Variants in SPIDR observed in about 807,000 individuals in gnomAD.
SPIDR encodes scaffold protein involved in DNA repair, also known as DNA repair-scaffolding protein.
SPIDR carries 93 observed loss-of-function variants against 104.6 expected under a neutral mutation model. That is an observed-to-expected ratio of 0.89 (90% CI 0.75 to 1.06). The LOEUF (loss-of-function observed/expected upper bound fraction) is 1.06, where lower values mean the gene tolerates loss of function less well. Among genes scored for constraint, SPIDR ranks in the 50% least tolerant of loss-of-function variants. The pLI, the probability that SPIDR is intolerant of heterozygous loss-of-function variation, is 0.00. For missense variants in SPIDR, 1,154 were observed against 1,111.2 expected, an observed-to-expected ratio of 1.04 and a Z score of -0.55; for synonymous variants, 431 against 416.9, an observed-to-expected ratio of 1.03 and a Z score of -0.41.
At chr8:47,268,618 A>C (rs2034588528) in intron 1 of SPIDR, among the ~76,000 whole-genome samples, 1 of 152,082 alleles carries the variant, frequency 6.6e-6, no homozygotes, top group Non-Finnish European at 1.5e-5. Context: ...CACGTGGCTA[A>C]TATTTTTTGT....
chr8:47,347,192 A>G (rs1474690782), intron 5 of SPIDR, among the ~76,000 whole-genome samples: 1 of 152,018 alleles, frequency 6.6e-6, no homozygotes, highest in Non-Finnish European at 1.5e-5. Context: ...TTTTGCCTTC[A>G]TTTTGTTATT....
upstream of SPIDR, chr8:47,260,917 G>T: frequency 8.2e-7 from 1 of 1,218,598 alleles, no homozygotes. Context: ...GTGGGACGGC[G>T]GCGCGCTGAG....
intron 16 of SPIDR, among the ~76,000 whole-genome samples, chr8:47,721,131 C>A (rs1158150445): frequency 1.3e-5 from 2 of 152,170 alleles, no homozygotes; most frequent in African/African-American, 4.8e-5. Context: ...TCAGTTGTTT[C>A]TTTCACGAAT....
At chr8:47,544,636 C>T (rs74894574) in intron 8 of SPIDR, among the ~76,000 whole-genome samples, 3,315 of 152,248 alleles carry the variant, frequency 0.022, 94 homozygotes, top group East Asian at 0.082. Context: ...GCTTTTTGCA[C>T]CTTTGTCAAA....
At chr8:47,403,125 CAGAAAAGGCCTTTG>C (rs1329508697) in intron 6 of SPIDR, among the ~76,000 whole-genome samples, 1 of 152,152 alleles carries the variant, frequency 6.6e-6, no homozygotes, top group Non-Finnish European at 1.5e-5. Flanking sequence ...TCAATAGATG[CAGAAAAGGCCTTTG>C]ACAAAATTGC....
At position 47,729,479 on chromosome 8, in the gene SPIDR, G is replaced by A; in HGVS notation, c.2604+14G>A. 6.3e-7 allele frequency: 1 copy of A among 1,590,256 alleles called. No homozygotes were observed. On this transcript the variant is annotated intron_variant, in intron 19 of 19. Coordinates refer to ENST00000297423, the MANE Select transcript of SPIDR (RefSeq NM_001080394.4). Reference sequence around the variant, plus strand: ...GGTGAAGATGGGGTAAGTGCAGGGGGCCCAGCCCAGGGGGCCGCACACTCA... The same window carrying A: ...GGTGAAGATGGGGTAAGTGCAGGGGACCCAGCCCAGGGGGCCGCACACTCA...
chr8:47,534,096 T>G (rs1356251475), intron 8 of SPIDR, among the ~76,000 whole-genome samples: 1 of 152,180 alleles, frequency 6.6e-6, no homozygotes, highest in Non-Finnish European at 1.5e-5. Flanking sequence ...TGACTGGTAT[T>G]TCCCCTGCTG....
At chr8:47,699,513 A>G (rs903311123) in intron 11 of SPIDR, among the ~76,000 whole-genome samples, 2 of 152,154 alleles carry the variant, frequency 1.3e-5, no homozygotes, top group African/African-American at 4.8e-5. Context: ...AACTGAAATC[A>G]TAACTGTTTG....
intron 8 of SPIDR, among the ~76,000 whole-genome samples, chr8:47,521,292 C>T (rs1164744218): frequency 1.3e-5 from 2 of 152,156 alleles, no homozygotes; most frequent in Non-Finnish European, 2.9e-5. Flanking sequence ...CCTTTCCTTA[C>T]TGCTTTCTCC....
intron 5 of SPIDR, among the ~76,000 whole-genome samples, chr8:47,373,118 T>C (rs1369665151): frequency 2.6e-5 from 4 of 152,220 alleles, no homozygotes; most frequent in Non-Finnish European, 5.9e-5. Context: ...ATTCCTGGAA[T>C]GATAGTATAA....
Position 47,635,428 on chromosome 8 carries a change from C to G in SPIDR, c.1544+36232C>G, listed in dbSNP as rs571816140. Among the ~76,000 whole-genome samples the G allele has an allele frequency of 1.7e-4, 26 of 152,178 alleles. No homozygotes were observed. The East Asian group carries it at 3.9e-3, about 23-fold the overall frequency. ...AATGCTTGAGGGATACCCCATCTACCCTGATGTGATTAAGTGTTGTATGCC... is the reference window on the plus strand; with the variant it reads ...AATGCTTGAGGGATACCCCATCTACGCTGATGTGATTAAGTGTTGTATGCC... On this transcript the variant is annotated intron_variant, in intron 10 of 19. Transcript: ENST00000297423.
intron 8 of SPIDR, among the ~76,000 whole-genome samples, chr8:47,563,246 T>C (rs1241061484): frequency 6.6e-6 from 1 of 152,006 alleles, no homozygotes; most frequent in Non-Finnish European, 1.5e-5. Flanking sequence ...CAGGGCTCAC[T>C]GCAGCCTCGA....
At chr8:47,481,216 C>T (rs2076864581) in intron 8 of SPIDR, among the ~76,000 whole-genome samples, 2 of 152,128 alleles carry the variant, frequency 1.3e-5, no homozygotes, top group Admixed American at 6.5e-5. Context: ...GGTCTTTTCT[C>T]GTCATTACAT....
chr8:47,538,335 G>C (rs563008148), intron 8 of SPIDR, among the ~76,000 whole-genome samples: 8 of 152,288 alleles, frequency 5.3e-5, no homozygotes, highest in African/African-American at 1.9e-4. Flanking sequence ...CCTGAGGTCA[G>C]GAGTTCGAGA....
chr8:47,613,826 A>G (rs1261947872), intron 10 of SPIDR, among the ~76,000 whole-genome samples: 3 of 151,936 alleles, frequency 2.0e-5, no homozygotes, highest in Admixed American at 2.0e-4. Flanking sequence ...ATTATATTGT[A>G]TTTTTATTGT....
At chr8:47,528,971 G>A (rs544986523) in intron 8 of SPIDR, among the ~76,000 whole-genome samples, 131 of 152,260 alleles carry the variant, frequency 8.6e-4, no homozygotes, top group African/African-American at 3.1e-3. Flanking sequence ...CTACGCTTAA[G>A]CATATCATAC....
chr8:47,480,064 C>T (rs550033174), intron 8 of SPIDR, among the ~76,000 whole-genome samples: 3 of 152,300 alleles, frequency 2.0e-5, no homozygotes, highest in Admixed American at 6.5e-5. Flanking sequence ...AGAACTTCTT[C>T]ACCTATTTTA....
intron 5 of SPIDR, among the ~76,000 whole-genome samples, chr8:47,365,617 A>C (rs1255655658): frequency 2.6e-5 from 4 of 152,200 alleles, no homozygotes; most frequent in African/African-American, 9.6e-5. Context: ...TTCCTGCATT[A>C]AAGCTTCTTG....
At chr8:47,706,831 G>T (rs979820946) in intron 14 of SPIDR, among the ~76,000 whole-genome samples, 2 of 152,156 alleles carry the variant, frequency 1.3e-5, no homozygotes, top group African/African-American at 2.4e-5. Flanking sequence ...TGAAATCTTA[G>T]CAGTGGCCAG....
Sources: allele counts gnomAD v4.1 joint callset (sites outside exome capture counted in the v4.1 genomes callset), GRCh38; gene constraint gnomAD v4.1.1; transcripts MANE v1.5; gene names NCBI Gene and HGNC (gene_info 2026-07-23, HGNC 2026-07-21).